The following DNAH9 variants were observed in gnomAD, a reference collection of about 807,000 sequenced individuals.
The protein encoded by DNAH9 is dynein axonemal heavy chain 9, also known as DNAH9 variant protein.
DNAH9 carries 345 observed loss-of-function variants against 471.6 expected under a neutral mutation model. The ratio of observed to expected loss-of-function variants is 0.73; its 90% CI spans 0.67 to 0.80. The LOEUF is 0.80. Ranked by LOEUF, DNAH9 falls within the 30% of genes least tolerant of loss-of-function variation. The pLI is 0.00. For missense variants in DNAH9, 5,407 were observed against 5,609.2 expected, an observed-to-expected ratio of 0.96 and a Z score of 1.15; for synonymous variants, 2,093 against 2,123.6, an observed-to-expected ratio of 0.99 and a Z score of 0.40.
intron 22 of DNAH9, among the ~76,000 whole-genome samples, chr17:11,696,611 G>T (rs942533124): frequency 3.3e-5 from 5 of 152,090 alleles, no homozygotes; most frequent in Admixed American, 6.6e-5. Context: ...AAGTTGTTTT[G>T]TCTTTGACCT....
In DNAH9 at chr17:11,619,813, C is replaced by A. The variant is rs750894422; in HGVS notation, c.1350+32C>A. 8 of 1,359,062 alleles carry A rather than the reference C, an allele frequency of 5.9e-6. No homozygotes were observed. In the African/African-American group the frequency reaches 1.1e-4, roughly 20 times the overall value. The allele number at this position is 1,359,062 out of a possible 1,614,324, so 84.2% of individuals were successfully genotyped here. A position where few individuals can be genotyped will look rare whatever the true frequency, so the allele number is the denominator to read the frequency against. ...GCGCACCTCACCTCAGGCTGCCAGC[C>A]CCAGACAGAAAGAAGCAGTCCAGGG... On this transcript the variant is annotated intron_variant, in intron 6 of 68. Transcript: ENST00000262442.
chr17:11,695,421 G>A (rs1465472815), intron 22 of DNAH9, among the ~76,000 whole-genome samples: 3 of 152,190 alleles, frequency 2.0e-5, no homozygotes, highest in African/African-American at 4.8e-5. Context: ...TATGTTAACT[G>A]AATATGGAGG....
intron 14 of DNAH9, among the ~76,000 whole-genome samples, chr17:11,658,845 G>T (rs2073701998): frequency 6.6e-6 from 1 of 151,442 alleles, no homozygotes; most frequent in African/African-American, 2.4e-5. Context: ...TGAGATAAAT[G>T]CATTCGATCA....
At chr17:11,617,066 C>G (rs2072761381) in intron 4 of DNAH9, among the ~76,000 whole-genome samples, 1 of 152,160 alleles carries the variant, frequency 6.6e-6, no homozygotes, top group South Asian at 2.1e-4. Context: ...TCTCGGCCAG[C>G]ATTTGAAGGA....
At chr17:11,810,417 T>C in intron 45 of DNAH9, 48 bp downstream of exon 45, 1 of 1,592,392 alleles carries the variant, frequency 6.3e-7, no homozygotes. Flanking sequence ...CCCCCTGGAA[T>C]CAGAGTTATA....
rs192929135 is a variant in DNAH9, at chr17:11,649,397, C to A, written c.2098-1672C>A. 1.1e-4 allele frequency among the ~76,000 whole-genome samples: 17 copies of A among 152,156 alleles called. No homozygotes were observed. The East Asian group carries it at 3.1e-3, about 28-fold the overall frequency. On this transcript the variant is annotated intron_variant, in intron 12 of 68. Coordinates refer to ENST00000262442, the MANE Select transcript of DNAH9 (RefSeq NM_001372.4). Reference sequence around the variant, plus strand: ...GGCATGTTTTTAGTTTAATAGACTGCATGTTTTTGTTTTTTCTTTTGTTGC... The same window carrying A: ...GGCATGTTTTTAGTTTAATAGACTGAATGTTTTTGTTTTTTCTTTTGTTGC...
Position 11,776,408 on chromosome 17 carries a change from A to G in DNAH9, c.7553-4601A>G, listed in dbSNP as rs73294560. ...GATAGAGCCCATGTCCTGACATGAT[A>G]ACTCTCCAGGAACTTTATAAACTTA... On this transcript the variant is annotated intron_variant, in intron 38 of 68. Transcript: ENST00000262442. Among the ~76,000 whole-genome samples, 1,488 of 151,936 alleles carry G rather than the reference A, an allele frequency of 9.8e-3. 26 individuals carry two copies. The highest frequency in any genetic ancestry group is 0.035 in the African/African-American group (1,437 of 41,450).
chr17:11,611,548 C>T (rs1388973039), intron 3 of DNAH9, 102 bp from the exon 4 acceptor site: 8 of 1,258,930 alleles, frequency 6.4e-6, no homozygotes, highest in South Asian at 1.4e-5. Flanking sequence ...TGGAAGCACC[C>T]CGAGGCAGGG....
rs761442470 is a variant in DNAH9, at chr17:11,905,646, CT to C, written c.11601-8del. 11 of 1,612,712 alleles carry C rather than the reference CT, an allele frequency of 6.8e-6. No homozygotes were observed. In the African/African-American group the frequency reaches 9.4e-5, roughly 14 times the overall value. On this transcript the variant is annotated splice_polypyrimidine_tract_variant and intron_variant, in intron 60 of 68. Coordinates refer to ENST00000262442, the MANE Select transcript of DNAH9 (RefSeq NM_001372.4). ...CTATATATGTATAAATCTATATGTGCTTTTTTTCTGGCAGAGATTTTGTTGA... is the reference window on the plus strand; with the variant it reads ...CTATATATGTATAAATCTATATGTGCTTTTTTCTGGCAGAGATTTTGTTGA...
At chr17:11,851,965 T>G (rs1971436476) in intron 49 of DNAH9, among the ~76,000 whole-genome samples, 7 of 152,212 alleles carry the variant, frequency 4.6e-5, no homozygotes, top group Admixed American at 4.6e-4. Context: ...AATCATGGCA[T>G]TCTTTGGTTA....
chr17:11,790,319 A>G (rs1004860053), intron 41 of DNAH9, among the ~76,000 whole-genome samples: 6 of 151,916 alleles, frequency 3.9e-5, no homozygotes, highest in Non-Finnish European at 7.4e-5. Flanking sequence ...TTTATTTGTC[A>G]TATTCACTTT....
At chr17:11,704,980 C>T (rs1178938772) in intron 25 of DNAH9, 45 bp from the exon 26 acceptor site, 39 of 1,565,394 alleles carry the variant, frequency 2.5e-5, no homozygotes, top group Admixed American at 2.0e-4. Flanking sequence ...AAGGGACTAC[C>T]TGCTGCCTAT....
intron 26 of DNAH9, among the ~76,000 whole-genome samples, chr17:11,708,028 G>C (rs1194701107): frequency 7.8e-4 from 110 of 141,820 alleles, no homozygotes; most frequent in African/African-American, 2.8e-3. Context: ...GAGAGAGAGA[G>C]AGAGAGAGAG....
chr17:11,896,117 T>A (rs986525650), intron 59 of DNAH9, among the ~76,000 whole-genome samples: 1 of 152,190 alleles, frequency 6.6e-6, no homozygotes, highest in Non-Finnish European at 1.5e-5. Flanking sequence ...CCTTTGTGAG[T>A]CCTGTCTCTC....
At position 11,632,592 on chromosome 17, in the gene DNAH9, T is replaced by C. The variant is rs2073090791; in HGVS notation, c.1524T>C (p.Phe508=). 6.4e-7 allele frequency: 1 copy of C among 1,564,224 alleles called. No homozygotes were observed. The highest frequency in any genetic ancestry group is 8.8e-7 in the Non-Finnish European group (1 of 1,134,696). The change falls in exon 8 of 69, where the codon TTT becomes TTC. Residue 508 remains phenylalanine, a synonymous_variant. Transcript: ENST00000262442. ...SDCLYLQSTD[F]ENDVSEFNQK... ...TATATATGGTGTCTCTTCAGGACTTTGAAAATGACGTCTCTGAATTTAACC... is the reference window on the plus strand; with the variant it reads ...TATATATGGTGTCTCTTCAGGACTTCGAAAATGACGTCTCTGAATTTAACC...
At chr17:11,657,943 G>C (rs920293528) in intron 14 of DNAH9, among the ~76,000 whole-genome samples, 4 of 151,936 alleles carry the variant, frequency 2.6e-5, no homozygotes, top group Non-Finnish European at 5.9e-5. Flanking sequence ...TGAAAATCAG[G>C]TTCTATATGT....
intron 50 of DNAH9, among the ~76,000 whole-genome samples, chr17:11,857,181 G>A (rs1473965553): frequency 6.6e-6 from 1 of 152,178 alleles, no homozygotes; most frequent in Non-Finnish European, 1.5e-5. Flanking sequence ...TTTTCAAAAT[G>A]TTTATACCTT....
chr17:11,601,616 C>T (rs1389495781), intron 1 of DNAH9, among the ~76,000 whole-genome samples: 1 of 152,204 alleles, frequency 6.6e-6, no homozygotes, highest in Non-Finnish European at 1.5e-5. Context: ...ATTCCACTTT[C>T]TGTCCATCCA....
At chr17:11,600,144 TAACAAACA>T (rs929685271) in intron 1 of DNAH9, among the ~76,000 whole-genome samples, 16 of 152,290 alleles carry the variant, frequency 1.1e-4, no homozygotes, top group African/African-American at 3.8e-4. Context: ...TTCAATATTT[TAACAAACA>T]GAATGGTCTT....
Sources: gnomAD v4.1 joint callset for allele counts (sites outside exome capture counted in the v4.1 genomes callset) on GRCh38, gnomAD v4.1.1 for gene constraint, MANE v1.5 for transcripts, NCBI Gene and HGNC (gene_info 2026-07-23, HGNC 2026-07-21) for gene names.